TBCA: variants seen among roughly 807,000 people sequenced by gnomAD.
TBCA encodes the protein tubulin folding cofactor A.
A neutral mutation model predicts 15.8 loss-of-function variants in TBCA; 6 were observed. The ratio of observed to expected loss-of-function variants is 0.38; its 90% CI spans 0.21 to 0.75. The LOEUF is 0.75. Ranked by LOEUF, TBCA falls within the 30% of genes least tolerant of loss-of-function variation. The probability of loss-of-function intolerance (pLI) is 0.46; values close to 1 mark genes in which losing one functional copy is unlikely to be tolerated. For missense variants in TBCA, 90 were observed against 131.2 expected, an observed-to-expected ratio of 0.69 and a Z score of 1.53; for synonymous variants, 32 against 42.3, an observed-to-expected ratio of 0.76 and a Z score of 0.94.
At chr5:77,691,909 A>T in intron 3 of TBCA, 1 of 989,406 alleles carries the variant, frequency 1.0e-6, no homozygotes, top group Non-Finnish European at 1.2e-6. Flanking sequence ...CTGACTATTC[A>T]CAATGACAAA....
intron 2 of TBCA, among the ~76,000 whole-genome samples, chr5:77,704,344 T>C (rs1211102223): frequency 6.6e-6 from 1 of 152,140 alleles, no homozygotes; most frequent in South Asian, 2.1e-4. Flanking sequence ...TTGGCAACCA[T>C]CTTCAGGTAA....
intron 1 of TBCA, among the ~76,000 whole-genome samples, chr5:77,731,223 T>C (rs1199897679): frequency 6.6e-6 from 1 of 152,222 alleles, no homozygotes; most frequent in Non-Finnish European, 1.5e-5. Context: ...CTATGCCCAT[T>C]GTATAGGTGA....
At chr5:77,770,313 A>G (rs1332612921) in intron 1 of TBCA, among the ~76,000 whole-genome samples, 1 of 152,246 alleles carries the variant, frequency 6.6e-6, no homozygotes. Context: ...TACTCTGTCA[A>G]GGATTCATAT....
intron 1 of TBCA, among the ~76,000 whole-genome samples, chr5:77,761,028 C>T (rs2112507107): frequency 6.6e-6 from 1 of 152,020 alleles, no homozygotes; most frequent in African/African-American, 2.4e-5. Flanking sequence ...AGCACCTCTG[C>T]CCGGCTGCCG....
intron 2 of TBCA, among the ~76,000 whole-genome samples, chr5:77,698,459 T>C (rs1037704976): frequency 1.3e-5 from 2 of 152,208 alleles, no homozygotes; most frequent in East Asian, 3.8e-4. Context: ...AATTTATTTG[T>C]TGTTGTTAAT....
chr5:77,770,686 T>C (rs1747884617), intron 1 of TBCA, among the ~76,000 whole-genome samples: 1 of 150,218 alleles, frequency 6.7e-6, no homozygotes, highest in Non-Finnish European at 1.5e-5. Flanking sequence ...GTCACAGATA[T>C]CAATAGGTCT....
At chr5:77,776,117 GCCT>G in intron 1 of TBCA, 85 bp downstream of exon 1, 1 of 1,500,098 alleles carries the variant, frequency 6.7e-7, no homozygotes. Context: ...CCCGCCTCGG[GCCT>G]CCTCGGGCCT....
chr5:77,740,798 A>G (rs1388492185), intron 1 of TBCA, among the ~76,000 whole-genome samples: 1 of 148,694 alleles, frequency 6.7e-6, no homozygotes, highest in Non-Finnish European at 1.5e-5. Flanking sequence ...AAAAAGCCCC[A>G]GGTAGAACCT....
intron 1 of TBCA, among the ~76,000 whole-genome samples, chr5:77,765,512 G>C (rs576384251): frequency 6.6e-6 from 1 of 152,218 alleles, no homozygotes; most frequent in Non-Finnish European, 1.5e-5. Context: ...TGAAGCCCAA[G>C]TCCTTACATG....
At position 77,760,117 on chromosome 5, in the gene TBCA, G is replaced by A. The variant is rs114746819; in HGVS notation, c.53+16088C>T. On this transcript the variant is annotated intron_variant, in intron 1 of 3. Transcript: ENST00000380377. ...ACAAGAGTTGAGAGAAGAGGGGAGG[G>A]TTGAAGAAAAGACAGCATTTGATTC... 7.0e-3 allele frequency among the ~76,000 whole-genome samples: 1,061 copies of A among 152,280 alleles called. 4 individuals carry two copies. The highest frequency in any genetic ancestry group is 0.01 in the Non-Finnish European group (699 of 68,010).
At chr5:77,756,320 A>C (rs533451708) in intron 1 of TBCA, among the ~76,000 whole-genome samples, 2 of 151,568 alleles carry the variant, frequency 1.3e-5, no homozygotes, top group East Asian at 3.9e-4. Flanking sequence ...TTTTTAAACT[A>C]ATTGTGTTGG....
At chr5:77,756,474 C>T (rs1747479549) in intron 1 of TBCA, among the ~76,000 whole-genome samples, 1 of 150,342 alleles carries the variant, frequency 6.7e-6, no homozygotes, top group Non-Finnish European at 1.5e-5. Flanking sequence ...CACAATCTCT[C>T]ATTTATCTAT....
intron 1 of TBCA, among the ~76,000 whole-genome samples, chr5:77,738,827 C>A (rs1254541688): frequency 6.6e-6 from 1 of 152,136 alleles, no homozygotes; most frequent in Non-Finnish European, 1.5e-5. Context: ...AGGTGATCCG[C>A]CTGCCTCAGT....
chr5:77,716,105 C>G (rs1746394183), intron 1 of TBCA, among the ~76,000 whole-genome samples: 1 of 152,146 alleles, frequency 6.6e-6, no homozygotes, highest in South Asian at 2.1e-4. Context: ...ATTTTACAAT[C>G]TCTTTTTAAT....
chr5:77,757,991 A>G (rs1272622512), intron 1 of TBCA, among the ~76,000 whole-genome samples: 2 of 152,150 alleles, frequency 1.3e-5, no homozygotes, highest in South Asian at 2.1e-4. Flanking sequence ...TGAGGGGTAT[A>G]AGGTAGAAAA....
chr5:77,744,620 C>A (rs566091690), intron 1 of TBCA, among the ~76,000 whole-genome samples: 2 of 145,482 alleles, frequency 1.4e-5, no homozygotes, highest in African/African-American at 2.6e-5. Flanking sequence ...ACTGCAACCT[C>A]CGCCTCCCAG....
intron 1 of TBCA, among the ~76,000 whole-genome samples, chr5:77,726,585 A>G (rs985907379): frequency 6.6e-6 from 1 of 152,226 alleles, no homozygotes; most frequent in African/African-American, 2.4e-5. Context: ...TGTAGTATCC[A>G]TTCCAGTGTC....
At chr5:77,757,869 G>A (rs1364831965) in intron 1 of TBCA, among the ~76,000 whole-genome samples, 1 of 152,174 alleles carries the variant, frequency 6.6e-6, no homozygotes, top group Non-Finnish European at 1.5e-5. Flanking sequence ...GAGATACAAG[G>A]TCAAGGGTAG....
intron 1 of TBCA, among the ~76,000 whole-genome samples, chr5:77,747,435 T>C (rs890203251): frequency 2.0e-5 from 3 of 152,148 alleles, no homozygotes; most frequent in Non-Finnish European, 4.4e-5. Context: ...TCTAAACTTT[T>C]AGAGCAGTTA....
Sources: allele counts gnomAD v4.1 joint callset (sites outside exome capture counted in the v4.1 genomes callset), GRCh38; gene constraint gnomAD v4.1.1; transcripts MANE v1.5; gene names NCBI Gene and HGNC (gene_info 2026-07-23, HGNC 2026-07-21).